FBXL7: variants seen among roughly 807,000 people sequenced by gnomAD.
FBXL7 encodes the protein F-box/LRR-repeat protein 7.
In FBXL7, 12 loss-of-function variants were observed where a neutral mutation model predicts 38.3. That is an observed-to-expected ratio of 0.31 (90% CI 0.20 to 0.51). FBXL7 has a LOEUF of 0.51. Among genes scored for constraint, FBXL7 ranks in the 20% least tolerant of loss-of-function variants. FBXL7 has a pLI of 0.98. For missense variants in FBXL7, 567 were observed against 676.4 expected (o/e 0.84, Z 1.79); for synonymous variants, 297 against 300.9 (o/e 0.99, Z 0.13).
At chr5:15,619,962 C>T (rs546707296) in intron 2 of FBXL7, among the ~76,000 whole-genome samples, 14 of 152,236 alleles carry the variant, frequency 9.2e-5, no homozygotes, top group African/African-American at 3.1e-4. Flanking sequence ...AAAGTGAGGA[C>T]ATGGGGATAG....
intron 1 of FBXL7, 119 bp downstream of exon 1, chr5:15,500,832 T>C (rs1404151474): frequency 1.6e-6 from 2 of 1,240,852 alleles, no homozygotes; most frequent in African/African-American, 3.0e-5. Context: ...TTTGGCACCC[T>C]GTCTGGGTCA....
intron 2 of FBXL7, among the ~76,000 whole-genome samples, chr5:15,715,460 G>A (rs1003415037): frequency 2.2e-5 from 3 of 138,958 alleles, no homozygotes; most frequent in East Asian, 2.1e-4. Context: ...CACTGCACTC[G>A]AGCCTGGTGA....
intron 1 of FBXL7, among the ~76,000 whole-genome samples, chr5:15,552,667 T>A (rs1181701291): frequency 1.3e-5 from 2 of 152,204 alleles, no homozygotes; most frequent in African/African-American, 4.8e-5. Context: ...TCTCCACTCT[T>A]GCCTCCCACA....
At chr5:15,652,162 A>T (rs1741730107) in intron 2 of FBXL7, among the ~76,000 whole-genome samples, 1 of 152,162 alleles carries the variant, frequency 6.6e-6, no homozygotes, top group South Asian at 2.1e-4. Context: ...GGCTGGTTTG[A>T]TCTTCTCTTA....
intron 2 of FBXL7, among the ~76,000 whole-genome samples, chr5:15,728,081 A>G (rs1013498253): frequency 4.0e-5 from 6 of 151,842 alleles, no homozygotes; most frequent in African/African-American, 1.5e-4. Flanking sequence ...CACATTTTCT[A>G]TATCTTTGTT....
chr5:15,642,767 A>G (rs755385164), intron 2 of FBXL7, among the ~76,000 whole-genome samples: 1 of 152,188 alleles, frequency 6.6e-6, no homozygotes, highest in African/African-American at 2.4e-5. Context: ...AGGAATCCAT[A>G]TTAGAGCCTT....
intron 2 of FBXL7, among the ~76,000 whole-genome samples, chr5:15,770,960 C>G (rs1736713859): frequency 6.6e-6 from 1 of 152,166 alleles, no homozygotes; most frequent in African/African-American, 2.4e-5. Flanking sequence ...GACAAGATTC[C>G]AGTCTTATTT....
chr5:15,628,013 A>AG (rs1244098164), intron 2 of FBXL7, among the ~76,000 whole-genome samples: 21 of 152,322 alleles, frequency 1.4e-4, no homozygotes, highest in African/African-American at 4.8e-4. Context: ...CACACTGTGG[A>AG]GGGAATAATA....
At chr5:15,513,153 GA>G (rs1161313638) in intron 1 of FBXL7, among the ~76,000 whole-genome samples, 5 of 151,308 alleles carry the variant, frequency 3.3e-5, no homozygotes, top group African/African-American at 1.2e-4. Flanking sequence ...ACCAATGTAA[GA>G]AAAAAAAGAA....
chr5:15,716,307 T>C (rs1744043305), intron 2 of FBXL7, among the ~76,000 whole-genome samples: 1 of 152,240 alleles, frequency 6.6e-6, no homozygotes, highest in Admixed American at 6.5e-5. Flanking sequence ...TCCTCGGGTC[T>C]CTATCAATAC....
chr5:15,758,300 A>G (rs1736352485), intron 2 of FBXL7, among the ~76,000 whole-genome samples: 2 of 151,508 alleles, frequency 1.3e-5, no homozygotes. Flanking sequence ...AAAGGACTTT[A>G]TAAACAAGGG....
At chr5:15,522,959 C>T (rs1054736162) in intron 1 of FBXL7, among the ~76,000 whole-genome samples, 3 of 152,310 alleles carry the variant, frequency 2.0e-5, no homozygotes, top group Admixed American at 6.5e-5. Context: ...ATGTCCCATA[C>T]GGTGGCAACT....
intron 2 of FBXL7, among the ~76,000 whole-genome samples, chr5:15,918,220 CAG>C (rs1422510914): frequency 1.3e-5 from 2 of 152,078 alleles, no homozygotes; most frequent in Non-Finnish European, 2.9e-5. Flanking sequence ...GCCTGGGTGA[CAG>C]GGTGAGATTC....
At chr5:15,764,545 A>T (rs1400263943) in intron 2 of FBXL7, among the ~76,000 whole-genome samples, 1 of 152,190 alleles carries the variant, frequency 6.6e-6, no homozygotes, top group Non-Finnish European at 1.5e-5. Context: ...ATGAGGAGGG[A>T]TAGGAGTTAG....
chr5:15,804,040 T>A (rs1737641381), intron 2 of FBXL7, among the ~76,000 whole-genome samples: 1 of 152,228 alleles, frequency 6.6e-6, no homozygotes, highest in African/African-American at 2.4e-5. Context: ...AACCACATAC[T>A]GTTATTTATG....
intron 2 of FBXL7, among the ~76,000 whole-genome samples, chr5:15,704,961 G>C (rs1470134087): frequency 9.6e-6 from 1 of 104,272 alleles, no homozygotes; most frequent in African/African-American, 3.4e-5. Context: ...GGTAACATGG[G>C]CTAGGTAAAA....
At chr5:15,508,196 A>C (rs1468880168) in intron 1 of FBXL7, among the ~76,000 whole-genome samples, 1 of 152,176 alleles carries the variant, frequency 6.6e-6, no homozygotes, top group East Asian at 1.9e-4. Context: ...TTTTATAATG[A>C]AGTACTGAAT....
intron 1 of FBXL7, among the ~76,000 whole-genome samples, chr5:15,549,139 T>G (rs1442848383): frequency 6.6e-6 from 1 of 152,212 alleles, no homozygotes; most frequent in African/African-American, 2.4e-5. Context: ...ATTTTCCCTT[T>G]GGTTTAATTT....
intron 2 of FBXL7, among the ~76,000 whole-genome samples, chr5:15,768,675 C>A (rs973274383): frequency 1.3e-5 from 2 of 152,114 alleles, no homozygotes; most frequent in African/African-American, 4.8e-5. Context: ...TGGGATGGGG[C>A]TGGTCATGAT....
Sources: gnomAD v4.1 joint callset for allele counts (sites outside exome capture counted in the v4.1 genomes callset) on GRCh38, gnomAD v4.1.1 for gene constraint, MANE v1.5 for transcripts, NCBI Gene and HGNC (gene_info 2026-07-23, HGNC 2026-07-21) for gene names.